The following SP4 variants were observed in gnomAD, a reference collection of about 807,000 sequenced individuals.
SP4 encodes the protein transcription factor Sp4.
Under a neutral mutation model 72.8 loss-of-function variants are expected in SP4, and 19 were observed. That is an observed-to-expected ratio of 0.26 (90% confidence interval 0.18 to 0.38). The LOEUF (loss-of-function observed/expected upper bound fraction) is 0.38. Ranked by LOEUF, SP4 falls within the 10% of genes least tolerant of loss-of-function variation. The probability of loss-of-function intolerance (pLI) is 1.00; values close to 1 mark genes in which losing one functional copy is unlikely to be tolerated. For missense variants in SP4, 1,008 were observed against 926.3 expected (o/e 1.09, Z -1.14); for synonymous variants, 395 against 333.1 (o/e 1.19, Z -2.02).
chr7:21,440,119 A>T (rs548853474), intron 3 of SP4, among the ~76,000 whole-genome samples: 1 of 152,292 alleles, frequency 6.6e-6, no homozygotes, highest in African/African-American at 2.4e-5. Flanking sequence ...AGAGCACAAC[A>T]CTAAGAATTA....
Position 21,430,332 on chromosome 7 carries a change from A to G in SP4, c.1167A>G (p.Gln389=), listed in dbSNP as rs746282213. The G allele has an allele frequency of 1.3e-5, 21 of 1,614,120 alleles. No individual in the cohort carries two copies. Among genetic ancestry groups the G allele is most frequent in the South Asian group, 9.9e-5 (9 of 91,090 alleles). The change falls in exon 3 of 6, where the codon CAA becomes CAG. Residue 389 remains glutamine (Q), a synonymous_variant. Coordinates refer to ENST00000222584, the MANE Select transcript of SP4 (RefSeq NM_003112.5). ...QPNGMQNAQD[Q]SNSLQQVQIV... is the part of the protein sequence containing the mutation. ...ATGGAATGCAGAATGCACAGGATCA[A>G]TCAAATTCTCTTCAGCAGGTGCAAA...
intron 5 of SP4, among the ~76,000 whole-genome samples, chr7:21,510,683 ATT>A (rs150711981): frequency 0.014 from 2,090 of 152,292 alleles, 48 homozygotes; most frequent in East Asian, 0.079. Flanking sequence ...CATTATATAT[ATT>A]TGTTACATCT....
intron 3 of SP4, among the ~76,000 whole-genome samples, chr7:21,457,212 A>T (rs12672607): frequency 0.079 from 12,094 of 152,250 alleles, 1,416 homozygotes; most frequent in East Asian, 0.54. Context: ...AATGATAAAG[A>T]ATAATCTGGT....
chr7:21,466,673 C>T (rs1315955411), intron 3 of SP4, among the ~76,000 whole-genome samples: 2 of 152,096 alleles, frequency 1.3e-5, no homozygotes, highest in African/African-American at 4.8e-5. Context: ...AGAAGGTACT[C>T]GGTTATTTCT....
chr7:21,483,635 C>T (rs1203590951), intron 5 of SP4, among the ~76,000 whole-genome samples: 4 of 151,790 alleles, frequency 2.6e-5, no homozygotes, highest in African/African-American at 9.7e-5. Flanking sequence ...TCCTCTTTTA[C>T]ATAATGTCTC....
chr7:21,510,940 G>A lies in SP4; in HGVS notation c.2108-82G>A, dbSNP rs936472596. 4.4e-6 allele frequency: 6 copies of A among 1,352,460 alleles called. No homozygotes were observed. The African/African-American group carries it at 8.8e-5, about 20-fold the overall frequency. 83.8% of individuals were successfully genotyped at this position (1,352,460 alleles called of 1,614,324 possible). ...GAAACTGTACAAAAAGTCATATAAT[G>A]TGACCAGAAGGGAGATTATTAAAAA... On this transcript the variant is annotated intron_variant, in intron 5 of 5. Transcript: ENST00000222584.
intron 3 of SP4, among the ~76,000 whole-genome samples, chr7:21,461,842 AC>A (rs1230522863): frequency 7.0e-6 from 1 of 142,592 alleles, no homozygotes; most frequent in Non-Finnish European, 1.6e-5. Context: ...GAATGGATAG[AC>A]CTTTAAAGTT....
In SP4 at chr7:21,463,644, C is replaced by T. The variant is rs75848541; in HGVS notation, c.1679-13435C>T. On this transcript the variant is annotated intron_variant, in intron 3 of 5. Transcript: ENST00000222584. ...GTGAAAGGGACAGGAAGTTAAATAT[C>T]GTGGTTGGAGAAGAGATAGTGCCAA... Among the ~76,000 whole-genome samples, 4 of 152,206 alleles carry T rather than the reference C, an allele frequency of 2.6e-5. No individual in the cohort carries two copies. In the East Asian group the frequency reaches 5.8e-4, roughly 22 times the overall value.
At position 21,463,344 on chromosome 7, in the gene SP4, G is replaced by A. The variant is rs1479847470; in HGVS notation, c.1679-13735G>A. Among the ~76,000 whole-genome samples the A allele has an allele frequency of 2.0e-5, 3 of 152,172 alleles. 1 individual carries two copies. Among genetic ancestry groups the A allele is most frequent in the African/African-American group, 7.2e-5 (3 of 41,438 alleles). ...AGGGCTATGTACATTGCCAGCATAG[G>A]ATGAATGAAAGGTTACCAAGCAACA... On this transcript the variant is annotated intron_variant, in intron 3 of 5. Transcript: ENST00000222584.
At chr7:21,440,436 C>T (rs1033060122) in intron 3 of SP4, among the ~76,000 whole-genome samples, 2 of 152,156 alleles carry the variant, frequency 1.3e-5, no homozygotes, top group African/African-American at 4.8e-5. Context: ...TGGATATTAG[C>T]TTGAGTTATA....
At position 21,511,426 on chromosome 7, in the gene SP4, T is replaced by C. The variant is rs1782140106; in HGVS notation, c.*157T>C. On this transcript the variant is annotated 3_prime_UTR_variant, in exon 6 of 6. Coordinates refer to ENST00000222584, the MANE Select transcript of SP4 (RefSeq NM_003112.5). ...GGGTTTGGGGTCAACACGTGAAGTGTTGAATTTTAAAAAATACAAAAAGCA... is the reference window on the plus strand; with the variant it reads ...GGGTTTGGGGTCAACACGTGAAGTGCTGAATTTTAAAAAATACAAAAAGCA... The C allele has an allele frequency of 1.4e-6, 1 of 693,216 alleles. No homozygotes were observed. Among genetic ancestry groups the C allele is most frequent in the African/African-American group, 1.8e-5 (1 of 55,848 alleles). 42.9% of individuals were successfully genotyped at this position (693,216 alleles called of 1,614,324 possible). A position where few individuals can be genotyped will look rare whatever the true frequency, so the allele number is the denominator to read the frequency against.
In SP4 at chr7:21,476,439, A is replaced by G. The variant is rs771080730; in HGVS notation, c.1679-640A>G. 5.9e-5 allele frequency among the ~76,000 whole-genome samples: 9 copies of G among 152,216 alleles called. 1 individual carries two copies. The highest frequency in any genetic ancestry group is 8.8e-5 in the Non-Finnish European group (6 of 68,042). ...ATCTGAGTGATGAAGTCTAAGCTAT[A>G]TAACATGAATGAATAAAGTAATAAT... On this transcript the variant is annotated intron_variant, in intron 3 of 5. Coordinates refer to ENST00000222584, the MANE Select transcript of SP4 (RefSeq NM_003112.5).
At chr7:21,491,370 T>C (rs1784973503) in intron 5 of SP4, among the ~76,000 whole-genome samples, 3 of 151,912 alleles carry the variant, frequency 2.0e-5, no homozygotes, top group African/African-American at 4.8e-5. Context: ...ATCTGAAGAA[T>C]TGAAAGGAAG....
At chr7:21,454,257 G>T (rs746029801) in intron 3 of SP4, among the ~76,000 whole-genome samples, 4 of 152,028 alleles carry the variant, frequency 2.6e-5, no homozygotes, top group African/African-American at 9.7e-5. Context: ...CAGACAAGTT[G>T]TCCAGTTAAG....
chr7:21,464,712 G>A (rs1320989012), intron 3 of SP4, among the ~76,000 whole-genome samples: 2 of 151,902 alleles, frequency 1.3e-5, no homozygotes, highest in East Asian at 3.9e-4. Flanking sequence ...ACTGTGCCAA[G>A]CTTCCTCACA....
intron 5 of SP4, 31 bp from the exon 6 acceptor site, chr7:21,510,991 G>GTC (rs1562634834): frequency 6.4e-7 from 1 of 1,574,330 alleles, no homozygotes; most frequent in East Asian, 2.3e-5. Context: ...AGCAAAATGT[G>GTC]TATAACGCCA....
At chr7:21,431,017 A>G (rs1006915500) in intron 3 of SP4, among the ~76,000 whole-genome samples, 174 bp downstream of exon 3, 44 of 152,302 alleles carry the variant, frequency 2.9e-4, no homozygotes, top group Admixed American at 1.0e-3. Context: ...TCAATGTGAC[A>G]TGTTCACTTT....
At chr7:21,450,950 C>T (rs957212911) in intron 3 of SP4, among the ~76,000 whole-genome samples, 8 of 152,234 alleles carry the variant, frequency 5.3e-5, no homozygotes, top group Middle Eastern at 6.8e-3. Context: ...ATGGGCCAAG[C>T]GGGCGACATG....
intron 3 of SP4, among the ~76,000 whole-genome samples, chr7:21,461,465 A>G (rs1783979798): frequency 6.6e-6 from 1 of 152,188 alleles, no homozygotes; most frequent in Admixed American, 6.5e-5. Context: ...CATCCTCCGC[A>G]GCTGCTGACC....
Sources: gnomAD v4.1 joint callset for allele counts (sites outside exome capture counted in the v4.1 genomes callset) on GRCh38, gnomAD v4.1.1 for gene constraint, MANE v1.5 for transcripts, NCBI Gene and HGNC (gene_info 2026-07-23, HGNC 2026-07-21) for gene names.